The following B3GALT1 variants were observed in gnomAD, a reference collection of about 807,000 sequenced individuals.
B3GALT1 encodes UDP-Gal:betaGlcNAc beta 1,3-galactosyltransferase, polypeptide 1.
B3GALT1 carries 10 observed loss-of-function variants against 23.2 expected under a neutral mutation model. The observed-to-expected ratio is 0.43, with a 90% confidence interval of 0.27 to 0.73. The LOEUF (loss-of-function observed/expected upper bound fraction) is 0.73, where lower values mean the gene tolerates loss of function less well. Among genes scored for constraint, B3GALT1 ranks in the 30% least tolerant of loss-of-function variants. The probability of loss-of-function intolerance (pLI) is 0.21; values close to 1 mark genes in which losing one functional copy is unlikely to be tolerated. For synonymous variants in B3GALT1, 156 were observed against 141.5 expected, an observed-to-expected ratio of 1.10 and a Z score of -0.73; for missense variants, 299 against 405.4, an observed-to-expected ratio of 0.74 and a Z score of 2.25.
chr2:167,332,839 A>G (rs1455015672), intron 1 of B3GALT1, among the ~76,000 whole-genome samples: 1 of 152,208 alleles, frequency 6.6e-6, no homozygotes, highest in Non-Finnish European at 1.5e-5. Context: ...AGTGCTGACA[A>G]GCTGGTACAA....
intron 3 of B3GALT1, among the ~76,000 whole-genome samples, chr2:167,664,193 T>C (rs1239124549): frequency 6.7e-6 from 1 of 149,972 alleles, no homozygotes; most frequent in African/African-American, 2.5e-5. Flanking sequence ...TAGCCAGTTT[T>C]CCAAGCACCA....
At chr2:167,560,018 T>C (rs1317519269) in intron 2 of B3GALT1, among the ~76,000 whole-genome samples, 2 of 151,488 alleles carry the variant, frequency 1.3e-5, no homozygotes, top group Non-Finnish European at 2.9e-5. Context: ...TTCACCAAAG[T>C]TGAAATGAAG....
At chr2:167,437,934 C>T (rs747946664) in intron 1 of B3GALT1, among the ~76,000 whole-genome samples, 1 of 152,158 alleles carries the variant, frequency 6.6e-6, no homozygotes, top group Non-Finnish European at 1.5e-5. Flanking sequence ...AAGGTAGACC[C>T]ATTGACCCCA....
At chr2:167,734,680 CT>C (rs1220111599) in intron 3 of B3GALT1, among the ~76,000 whole-genome samples, 1 of 152,004 alleles carries the variant, frequency 6.6e-6, no homozygotes, top group Non-Finnish European at 1.5e-5. Context: ...GAAAGTTTCT[CT>C]TGTAAAATTT....
In B3GALT1 at chr2:167,515,128, T is replaced by C. The variant is rs368096486; in HGVS notation, c.-410+24851T>C. On this transcript the variant is annotated intron_variant, in intron 2 of 4. Coordinates refer to ENST00000392690, the MANE Select transcript of B3GALT1 (RefSeq NM_020981.4). ...TTTTACAAGTCATCATCTTCAATGA[T>C]ATAGCATTTAGTCATCAAAATAATA... 7.9e-5 allele frequency among the ~76,000 whole-genome samples: 12 copies of C among 152,256 alleles called. No individual in the cohort carries two copies. The East Asian group carries it at 1.4e-3, about 17-fold the overall frequency.
intron 1 of B3GALT1, among the ~76,000 whole-genome samples, chr2:167,472,593 C>T (rs981324144): frequency 6.6e-6 from 1 of 152,130 alleles, no homozygotes; most frequent in Non-Finnish European, 1.5e-5. Context: ...CTAAAATATT[C>T]TATACAAGTT....
chr2:167,532,543 TAC>T (rs1256587421), intron 2 of B3GALT1, among the ~76,000 whole-genome samples: 3 of 151,988 alleles, frequency 2.0e-5, no homozygotes, highest in Admixed American at 2.0e-4. Flanking sequence ...TGTTCTCACC[TAC>T]ACACACACTT....
At chr2:167,746,668 AGC>A (rs1687657694) in intron 3 of B3GALT1, among the ~76,000 whole-genome samples, 1 of 152,240 alleles carries the variant, frequency 6.6e-6, no homozygotes, top group African/African-American at 2.4e-5. Flanking sequence ...TCTGGTAAAT[AGC>A]TCTGAGGCAC....
At chr2:167,640,409 C>G (rs1685629475) in intron 2 of B3GALT1, among the ~76,000 whole-genome samples, 1 of 151,614 alleles carries the variant, frequency 6.6e-6, no homozygotes, top group Non-Finnish European at 1.5e-5. Flanking sequence ...TTTTTCTTCT[C>G]TACTCTCATG....
At chr2:167,502,727 T>C (rs1699864638) in intron 2 of B3GALT1, among the ~76,000 whole-genome samples, 2 of 152,256 alleles carry the variant, frequency 1.3e-5, no homozygotes, top group Non-Finnish European at 2.9e-5. Flanking sequence ...TAGGCCCCTC[T>C]TTCAACATTG....
intron 2 of B3GALT1, among the ~76,000 whole-genome samples, chr2:167,532,588 T>C (rs866168143): frequency 5.5e-5 from 8 of 145,758 alleles, no homozygotes; most frequent in South Asian, 2.4e-4. Context: ...TATCATTCAT[T>C]AGCTTCTCTT....
intron 2 of B3GALT1, among the ~76,000 whole-genome samples, chr2:167,583,004 G>GTGAC (rs1236604112): frequency 2.0e-5 from 3 of 152,116 alleles, no homozygotes; most frequent in African/African-American, 7.2e-5. Flanking sequence ...CCCACCCCTA[G>GTGAC]TGACTTGGTT....
intron 2 of B3GALT1, among the ~76,000 whole-genome samples, chr2:167,560,902 C>T (rs948816905): frequency 5.9e-5 from 9 of 151,824 alleles, no homozygotes; most frequent in African/African-American, 2.2e-4. Flanking sequence ...ATCAACGAGA[C>T]AGAAAGTCAA....
chr2:167,436,982 C>T (rs1698795351), intron 1 of B3GALT1, among the ~76,000 whole-genome samples: 1 of 152,110 alleles, frequency 6.6e-6, no homozygotes, highest in Non-Finnish European at 1.5e-5. Context: ...AGGCGGGGAG[C>T]AATGTTAAAG....
chr2:167,406,276 T>C lies in B3GALT1; in HGVS notation c.-510-83901T>C, dbSNP rs149589652. 8.0e-4 allele frequency among the ~76,000 whole-genome samples: 122 copies of C among 152,256 alleles called. 2 individuals are homozygous for C. In the East Asian group the frequency reaches 0.023, roughly 29 times the overall value. On this transcript the variant is annotated intron_variant, in intron 1 of 4. Coordinates refer to ENST00000392690, the MANE Select transcript of B3GALT1 (RefSeq NM_020981.4). ...TTTTTAATCAGAATATAAAAAGCACTAGACTTCTGGTTCCAAAATGGCAGT... is the reference window on the plus strand; with the variant it reads ...TTTTTAATCAGAATATAAAAAGCACCAGACTTCTGGTTCCAAAATGGCAGT...
At chr2:167,807,213 T>C (rs921284710) in intron 3 of B3GALT1, among the ~76,000 whole-genome samples, 1 of 152,340 alleles carries the variant, frequency 6.6e-6, no homozygotes, top group East Asian at 1.9e-4. Flanking sequence ...CTTTTCTTCT[T>C]AATTAGTCTT....
chr2:167,576,103 G>C (rs1484364774), intron 2 of B3GALT1, among the ~76,000 whole-genome samples: 1 of 151,744 alleles, frequency 6.6e-6, no homozygotes, highest in East Asian at 1.9e-4. Flanking sequence ...CCAGGACTCT[G>C]ATTTTTGTTC....
At chr2:167,489,317 G>A (rs954902042) in intron 1 of B3GALT1, among the ~76,000 whole-genome samples, 2 of 152,178 alleles carry the variant, frequency 1.3e-5, no homozygotes, top group Non-Finnish European at 2.9e-5. Context: ...TTAAGGAAAG[G>A]CTCCAAAATC....
rs1362963625 is a variant in B3GALT1, at chr2:167,854,865, C to T, written c.-229-13946C>T. The stretch of plus-strand genomic sequence containing the variant: ...AAGGGGCAGAGCCTTCTGATGCCAT[C>T]TCTTAAGTTCTTCCCAAGATAAAAT... On this transcript the variant is annotated intron_variant, in intron 4 of 4. Coordinates refer to ENST00000392690, the MANE Select transcript of B3GALT1 (RefSeq NM_020981.4). Among the ~76,000 whole-genome samples, 2 of 152,182 alleles carry T rather than the reference C, an allele frequency of 1.3e-5. 1 individual carries two copies. Among genetic ancestry groups the T allele is most frequent in the South Asian group, 4.1e-4 (2 of 4,826 alleles).
Sources: allele counts gnomAD v4.1 joint callset (sites outside exome capture counted in the v4.1 genomes callset), GRCh38; gene constraint gnomAD v4.1.1; transcripts MANE v1.5; gene names NCBI Gene and HGNC (gene_info 2026-07-23, HGNC 2026-07-21).